The following SPEG variants were observed in gnomAD, a reference collection of about 807,000 sequenced individuals.
SPEG encodes the protein striated muscle enriched protein kinase.
SPEG carries 114 observed loss-of-function variants against 300.4 expected under a neutral mutation model. That is an observed-to-expected ratio of 0.38 (90% CI 0.33 to 0.44). SPEG has a LOEUF of 0.44. Among genes scored for constraint, SPEG ranks in the 20% least tolerant of loss-of-function variants. The probability of loss-of-function intolerance (pLI) is 1.00; values close to 1 mark genes in which losing one functional copy is unlikely to be tolerated. For synonymous variants in SPEG, 1,964 were observed against 2,018.9 expected, an observed-to-expected ratio of 0.97 and a Z score of 0.73; for missense variants, 4,201 against 4,586.2, an observed-to-expected ratio of 0.92 and a Z score of 2.43.
At chr2:219,455,427 G>A (rs1559377574) in intron 6 of SPEG, among the ~76,000 whole-genome samples, 1 of 152,212 alleles carries the variant, frequency 6.6e-6, no homozygotes. Context: ...GTGAGCACTT[G>A]AAATGCAGCT....
At chr2:219,461,343 G>T (rs1260045611) in intron 6 of SPEG, 2 of 987,912 alleles carry the variant, frequency 2.0e-6, no homozygotes, top group African/African-American at 1.7e-5. Context: ...GAAGGGAAAG[G>T]GGGAGGGGCA....
chr2:219,448,050 C>T lies in SPEG; in HGVS notation c.892C>T (p.Pro298Ser). Residue 298 changes from proline to serine, a missense_variant, in exon 4 of 41, where the codon CCT (proline) becomes TCT (serine). This residue lies in a region of SPEG where 1,258 missense variants were observed against 1,293.9 expected (regional missense o/e 0.97). Coordinates refer to ENST00000312358, the MANE Select transcript of SPEG (RefSeq NM_005876.5). The part of the protein sequence containing the change: ...PQLASEAPRR[P>S]AQPPPSKSAL... ...ACTGGCCAGCGAAGCCCCACGCCGCCCTGCCCAGCCGCCTCCTTCCAAATC... is the reference window on the plus strand; with the variant it reads ...ACTGGCCAGCGAAGCCCCACGCCGCTCTGCCCAGCCGCCTCCTTCCAAATC... The T allele has an allele frequency of 6.2e-7, 1 of 1,611,622 alleles. No individual in the cohort carries two copies. Among genetic ancestry groups the T allele is most frequent in the Non-Finnish European group, 8.5e-7 (1 of 1,179,634 alleles).
chr2:219,453,431 A>G (rs1310760700), intron 6 of SPEG, among the ~76,000 whole-genome samples: 1 of 152,262 alleles, frequency 6.6e-6, no homozygotes, highest in Non-Finnish European at 1.5e-5. Flanking sequence ...TGTTAGCGTT[A>G]TTAACGGGTG....
At position 219,472,260 on chromosome 2, in the gene SPEG, AGGT is replaced by A; in HGVS notation, c.3875_3877del (p.Val1292del). 3 of 1,613,874 alleles carry A rather than the reference AGGT, an allele frequency of 1.9e-6. No homozygotes were observed. The highest frequency in any genetic ancestry group is 2.5e-6 in the Non-Finnish European group (3 of 1,179,990). ...CCAGGCCCTCCAGATGGCGCCCCGCAGGTGGTGGCTGTGACGGGGAGGATGGTC... is the reference window on the plus strand; with the variant it reads ...CCAGGCCCTCCAGATGGCGCCCCGCAGGTGGCTGTGACGGGGAGGATGGTC... On this transcript the variant is annotated inframe_deletion, in exon 15 of 41. Coordinates refer to ENST00000312358, the MANE Select transcript of SPEG (RefSeq NM_005876.5).
In SPEG at chr2:219,445,092, T is replaced by C; in HGVS notation, c.746T>C (p.Leu249Pro). Residue 249 changes from leucine (L) to proline (P), a missense_variant, in exon 3 of 41, where the codon CTT becomes CCT. Physicochemically the swap from Leu to Pro is moderately conservative, Grantham distance 98. This residue lies in a region of SPEG where 1,258 missense variants were observed against 1,293.9 expected (regional missense o/e 0.97). Coordinates refer to ENST00000312358, the MANE Select transcript of SPEG (RefSeq NM_005876.5). This position sits in a 1 kb window ranked among gnomAD's most constrained non-coding sequence, Gnocchi z 6.1. ...VGASWGSEDSLSVASDLYGSA... is the reference protein window; with the variant it reads ...VGASWGSEDSPSVASDLYGSA... ...GCAAGCTGGGGGTCAGAGGATAGCC[T>C]TTCCGTGGCCAGTGACCTGTACGGC... 6.2e-7 allele frequency: 1 copy of C among 1,602,978 alleles called. No homozygotes were observed. The highest frequency in any genetic ancestry group is 8.5e-7 in the Non-Finnish European group (1 of 1,174,958).
chr2:219,441,503 G>T, intron 1 of SPEG: 1 of 469,510 alleles, frequency 2.1e-6, no homozygotes, highest in East Asian at 7.0e-5. Context: ...CGGCGAGTTC[G>T]GTTCTGCCTG....
rs1275629075 is a variant in SPEG at position 219,477,547 on chromosome 2, C to T, written c.4729+102C>T. 1 of 1,402,624 alleles carries T rather than the reference C, an allele frequency of 7.1e-7. No homozygotes were observed. Among genetic ancestry groups the T allele is most frequent in the African/African-American group, 1.4e-5 (1 of 69,312 alleles). The allele number at this position is 1,402,624 out of a possible 1,614,324, so 86.9% of individuals were successfully genotyped here. ...AGCAGCCAGCCCTGGACTCGAGCCA[C>T]CACACCCCCAGCCCAGCACCCCGCC... On this transcript the variant is annotated intron_variant, in intron 20 of 40. Transcript: ENST00000312358. The surrounding 1 kb of genome is among the most constrained non-coding windows in gnomAD (Gnocchi z 6.4).
chr2:219,434,853 G>T lies in SPEG; in HGVS notation c.-125G>T. On this transcript the variant is annotated 5_prime_UTR_variant, in exon 1 of 41. Coordinates refer to ENST00000312358, the MANE Select transcript of SPEG (RefSeq NM_005876.5). The stretch of plus-strand genomic sequence containing the variant: ...GGTGACCTTCTGGGTAGCACAGGCC[G>T]AAGGCGGGCGGGCAGCAGGAAGGCA... 1 of 632,748 alleles carries T rather than the reference G, an allele frequency of 1.6e-6. No individual in the cohort carries two copies. The highest frequency in any genetic ancestry group is 2.5e-6 in the Non-Finnish European group (1 of 396,242). 39.2% of individuals were successfully genotyped at this position (632,748 alleles called of 1,614,324 possible).
At chr2:219,476,325 A>G (rs1300218536) in intron 18 of SPEG, among the ~76,000 whole-genome samples, 2 of 152,238 alleles carry the variant, frequency 1.3e-5, no homozygotes, top group Non-Finnish European at 2.9e-5. Flanking sequence ...ACTTCAAGGT[A>G]GAGGCAATGC....
Position 219,439,124 on chromosome 2 carries a change from A to T in SPEG, c.388+3759A>T, listed in dbSNP as rs1954791626. Among the ~76,000 whole-genome samples the T allele has an allele frequency of 6.6e-6, 1 of 152,100 alleles. No homozygotes were observed. Among genetic ancestry groups the T allele is most frequent in the Non-Finnish European group, 1.5e-5 (1 of 68,018 alleles). On this transcript the variant is annotated intron_variant, in intron 1 of 40. Transcript: ENST00000312358. This position sits in a 1 kb window ranked among gnomAD's most constrained non-coding sequence, Gnocchi z 4.5. ...ATCCTGAGTGGAATGAGAGATGGTCACTTTTCTGGCTAAAGACCTCTGGGG... is the reference window on the plus strand; with the variant it reads ...ATCCTGAGTGGAATGAGAGATGGTCTCTTTTCTGGCTAAAGACCTCTGGGG...
At position 219,448,102 on chromosome 2, in the gene SPEG, G is replaced by A. The variant is rs1196725873; in HGVS notation, c.944G>A (p.Arg315Gln). The A allele has an allele frequency of 1.9e-6, 3 of 1,603,452 alleles. No homozygotes were observed. Among genetic ancestry groups the A allele is most frequent in the East Asian group, 2.3e-5 (1 of 44,312 alleles). ...KSALLPPPSP[R>Q]VGKRSPPGPP... The stretch of plus-strand genomic sequence containing the variant: ...GCGCTGCTCCCCCCACCGTCCCCTC[G>A]GGTCGGGAAGCGGTCCCCGCCGGGA... Residue 315 changes from arginine to glutamine, a missense_variant, in exon 4 of 41, where the codon CGG becomes CAG. Coordinates refer to ENST00000312358, the MANE Select transcript of SPEG (RefSeq NM_005876.5).
chr2:219,436,378 A>G (rs1220268307), intron 1 of SPEG, among the ~76,000 whole-genome samples: 1 of 152,220 alleles, frequency 6.6e-6, no homozygotes, highest in African/African-American at 2.4e-5. Flanking sequence ...TTCTCTAGCC[A>G]AAGGCAGAGC....
Position 219,489,959 on chromosome 2 carries a change from G to A in SPEG, c.8921+20G>A. 6.5e-7 allele frequency: 1 copy of A among 1,546,648 alleles called. No individual in the cohort carries two copies. Among genetic ancestry groups the A allele is most frequent in the Non-Finnish European group, 8.7e-7 (1 of 1,143,050 alleles). ...AGCCAGGCAAGCAGGGCTGGGGAAG[G>A]GAAGAGGACAGAGGGGAGTGGGCCA... On this transcript the variant is annotated intron_variant, in intron 36 of 40. Coordinates refer to ENST00000312358, the MANE Select transcript of SPEG (RefSeq NM_005876.5).
rs1412953088 is a variant in SPEG, at chr2:219,479,565, T to G, written c.5086-218T>G. ...CTGTACATGTTGTGCACTGCACAAT[T>G]CTACTTATTACCACGCAATGGCTCC... On this transcript the variant is annotated intron_variant, in intron 23 of 40. Transcript: ENST00000312358. The surrounding 1 kb of genome is among the most constrained non-coding windows in gnomAD (Gnocchi z 5.5). Among the ~76,000 whole-genome samples the G allele has an allele frequency of 2.0e-5, 3 of 152,206 alleles. No homozygotes were observed. The highest frequency in any genetic ancestry group is 4.4e-5 in the Non-Finnish European group (3 of 68,036).
chr2:219,453,050 C>T (rs1689891025), intron 6 of SPEG, among the ~76,000 whole-genome samples: 1 of 152,226 alleles, frequency 6.6e-6, no homozygotes, highest in Non-Finnish European at 1.5e-5. Flanking sequence ...CCCGTCCCTC[C>T]ACCACATGCT....
chr2:219,435,030 C>T lies in SPEG; in HGVS notation c.53C>T (p.Pro18Leu), dbSNP rs1316837441. Residue 18 changes from proline to leucine, a missense_variant, in exon 1 of 41, where the codon CCC becomes CTC. Coordinates refer to ENST00000312358, the MANE Select transcript of SPEG (RefSeq NM_005876.5). ...GAGGATGCGGGCACGAGGGCACCCC[C>T]CAGCCCCGGAGTGCCCCCGAAAAGG... ...RGEDAGTRAP[P>L]SPGVPPKRAK... is the part of the protein sequence containing the mutation. 6.7e-7 allele frequency: 1 copy of T among 1,499,908 alleles called. No homozygotes were observed. Among genetic ancestry groups the T allele is most frequent in the South Asian group, 1.2e-5 (1 of 81,224 alleles). The allele number at this position is 1,499,908 out of a possible 1,614,324, so 92.9% of individuals were successfully genotyped here. A position where few individuals can be genotyped will look rare whatever the true frequency, so the allele number is the denominator to read the frequency against.
At chr2:219,490,039 G>A (rs986846798) in intron 36 of SPEG, 100 bp downstream of exon 36, 2 of 1,391,896 alleles carry the variant, frequency 1.4e-6, no homozygotes, top group Admixed American at 4.7e-5. Context: ...GGCTGGGGTG[G>A]GGGGAGGTGC....
intron 9 of SPEG, chr2:219,466,377 G>A: frequency 7.3e-7 from 1 of 1,375,178 alleles, no homozygotes; most frequent in Non-Finnish European, 9.4e-7. Context: ...GGGAGCACCG[G>A]GCGAGTGCAT....
chr2:219,452,922 G>T (rs879271687), intron 6 of SPEG, among the ~76,000 whole-genome samples: 4 of 152,154 alleles, frequency 2.6e-5, no homozygotes, highest in Non-Finnish European at 5.9e-5. Context: ...AGAGCCTTTG[G>T]TTGCACGGTC....
Sources: gnomAD v4.1 joint callset for allele counts (sites outside exome capture counted in the v4.1 genomes callset) on GRCh38, gnomAD v4.1.1 for gene constraint, gnomAD v4.1.1 regional missense constraint, Gnocchi (gnomAD v3.1) non-coding constraint, MANE v1.5 for transcripts, NCBI Gene and HGNC (gene_info 2026-07-23, HGNC 2026-07-21) for gene names.